UNC13B: variants seen among roughly 807,000 people sequenced by gnomAD.
UNC13B encodes the protein unc-13 homolog B.
A neutral mutation model predicts 211.0 loss-of-function variants in UNC13B; 144 were observed. The ratio of observed to expected loss-of-function variants is 0.68; its 90% CI spans 0.60 to 0.78. The LOEUF (loss-of-function observed/expected upper bound fraction) is 0.78. Among genes scored for constraint, UNC13B ranks in the 30% least tolerant of loss-of-function variants. The probability of loss-of-function intolerance (pLI) is 0.00; values close to 1 mark genes in which losing one functional copy is unlikely to be tolerated. For synonymous variants in UNC13B, 709 were observed against 725.8 expected (o/e 0.98, Z 0.37); for missense variants, 1,777 against 2,002.0 (o/e 0.89, Z 2.14).
chr9:35,230,049 G>A (rs111637861), intron 2 of UNC13B, among the ~76,000 whole-genome samples: 2,581 of 152,264 alleles, frequency 0.017, 58 homozygotes, highest in African/African-American at 0.059. Flanking sequence ...AGTGCCAAAT[G>A]TGCTGTAATA....
chr9:35,211,086 T>C (rs1009674762), intron 1 of UNC13B, among the ~76,000 whole-genome samples: 1 of 152,200 alleles, frequency 6.6e-6, no homozygotes, highest in African/African-American at 2.4e-5. Context: ...TAAAAGTCAT[T>C]TTAAGCTGAA....
At chr9:35,330,713 G>C (rs1434280002) in intron 11 of UNC13B, among the ~76,000 whole-genome samples, 1 of 152,186 alleles carries the variant, frequency 6.6e-6, no homozygotes, top group African/African-American at 2.4e-5. Flanking sequence ...TTATGGCCTG[G>C]ATCTGGATGT....
At position 35,381,648 on chromosome 9, in the gene UNC13B, T is replaced by C; in HGVS notation, c.10584T>C (p.Asp3528=). The part of the protein sequence containing the change: ...RGDDAWKVYF[D]ETAQEIVDEF... Reference sequence around the variant, plus strand: ...ACGATGCCTGGAAGGTGTACTTTGATGAGACAGCCCAAGAAATTGTGGATG... The same window carrying C: ...ACGATGCCTGGAAGGTGTACTTTGACGAGACAGCCCAAGAAATTGTGGATG... The change falls in exon 20 of 40, where the codon GAT becomes GAC. Residue 3528 remains aspartate (D), a synonymous_variant. Coordinates refer to ENST00000635942, the MANE Select transcript of UNC13B (RefSeq NM_001371189.2). 1 of 1,614,186 alleles carries C rather than the reference T, an allele frequency of 6.2e-7. No individual in the cohort carries two copies. The highest frequency in any genetic ancestry group is 8.5e-7 in the Non-Finnish European group (1 of 1,180,006).
At chr9:35,314,037 T>C (rs1366061394) in intron 11 of UNC13B, 48 bp downstream of exon 11, 5 of 1,450,370 alleles carry the variant, frequency 3.4e-6, no homozygotes, top group Non-Finnish European at 4.8e-6. Flanking sequence ...TCCTTTGAAA[T>C]TGGGAGACAT....
At position 35,226,556 on chromosome 9, in the gene UNC13B, A is replaced by T. The variant is rs915708002; in HGVS notation, c.23-1459A>T. ...TCAGAAGTAGGGAAGCCGACAGTGC[A>T]GCCTTCAGTCTGTGGTCAAAGGCCC... On this transcript the variant is annotated intron_variant, in intron 1 of 39. Coordinates refer to ENST00000635942, the MANE Select transcript of UNC13B (RefSeq NM_001371189.2). Among the ~76,000 whole-genome samples, 7 of 152,336 alleles carry T rather than the reference A, an allele frequency of 4.6e-5. No homozygotes were observed. The South Asian group carries it at 1.2e-3, about 27-fold the overall frequency.
chr9:35,236,643 T>C, intron 4 of UNC13B, 57 bp downstream of exon 4: 1 of 1,452,550 alleles, frequency 6.9e-7, no homozygotes, highest in Admixed American at 1.7e-5. Context: ...CTTCTCCCCA[T>C]GCTAGCTCCA....
intron 1 of UNC13B, among the ~76,000 whole-genome samples, chr9:35,166,945 G>T (rs555652443): frequency 9.8e-4 from 150 of 152,312 alleles, no homozygotes; most frequent in Non-Finnish European, 1.5e-3. Flanking sequence ...TCTAAACCAA[G>T]CTTGTCCAGC....
At chr9:35,203,487 C>T (rs904385002) in intron 1 of UNC13B, among the ~76,000 whole-genome samples, 12 of 152,176 alleles carry the variant, frequency 7.9e-5, no homozygotes, top group African/African-American at 2.9e-4. Flanking sequence ...TATTGGCCCC[C>T]CACTCTCTTC....
At chr9:35,262,862 G>A (rs998835106) in intron 7 of UNC13B, among the ~76,000 whole-genome samples, 17 of 152,030 alleles carry the variant, frequency 1.1e-4, no homozygotes, top group African/African-American at 2.4e-5. Flanking sequence ...AGCCTGGGGA[G>A]ATTGAGGCTG....
rs79672709 is a variant in UNC13B at position 35,233,943 on chromosome 9, A to G, written c.153-2526A>G. 3.3e-3 allele frequency among the ~76,000 whole-genome samples: 499 copies of G among 152,260 alleles called. 1 individual carries two copies. The highest frequency in any genetic ancestry group is 5.9e-3 in the Non-Finnish European group (398 of 68,004). On this transcript the variant is annotated intron_variant, in intron 3 of 39. Transcript: ENST00000635942. ...AGATGAGAAGCTTCTTATAGAATAT[A>G]TACTCATTGTTTGGGCCTTCTCCCT...
At chr9:35,202,651 G>A (rs4490932) in intron 1 of UNC13B, among the ~76,000 whole-genome samples, 149,299 of 152,158 alleles carry the variant, frequency 0.98, 73,304 homozygotes, top group East Asian at 1. Context: ...AGTCTGTTTT[G>A]TCAGAGACTA....
In UNC13B at chr9:35,380,501, G is replaced by T; in HGVS notation, c.10237G>T (p.Val3413Leu). 6.2e-7 allele frequency: 1 copy of T among 1,614,190 alleles called. No individual in the cohort carries two copies. Among genetic ancestry groups the T allele is most frequent in the Non-Finnish European group, 8.5e-7 (1 of 1,180,030 alleles). ...ECHNSSDRIK[V>L]RVWDEDDDIK... ...CCACAACTCCTCTGACCGCATTAAG[G>T]TGCGTGTATGGGATGAGGATGATGA... is the stretch of plus-strand genomic sequence containing the variant. The change falls in exon 18 of 40, where the codon GTG becomes TTG. Residue 3413 changes from valine to leucine, a missense_variant. Val to Leu is a conservative substitution (Grantham distance 32). Coordinates refer to ENST00000635942, the MANE Select transcript of UNC13B (RefSeq NM_001371189.2).
intron 26 of UNC13B, among the ~76,000 whole-genome samples, chr9:35,391,993 A>C (rs1378933382): frequency 6.6e-6 from 1 of 152,218 alleles, no homozygotes; most frequent in Non-Finnish European, 1.5e-5. Context: ...GAAAACTTCT[A>C]CTTTAAGAGA....
chr9:35,191,488 G>T (rs2131342368), intron 1 of UNC13B, among the ~76,000 whole-genome samples: 1 of 152,240 alleles, frequency 6.6e-6, no homozygotes, highest in South Asian at 2.1e-4. Context: ...CTTCCCTCTT[G>T]CCTGGGGACC....
At chr9:35,390,459 A>ACTGGCCC (rs1235270601) in intron 25 of UNC13B, among the ~76,000 whole-genome samples, 170 bp from the exon 26 acceptor site, 1 of 152,210 alleles carries the variant, frequency 6.6e-6, no homozygotes, top group Non-Finnish European at 1.5e-5. Flanking sequence ...TTGTCCTGCC[A>ACTGGCCC]CTGGCCCCTG....
intron 7 of UNC13B, among the ~76,000 whole-genome samples, chr9:35,266,808 C>G (rs1342938450): frequency 6.6e-6 from 1 of 152,088 alleles, no homozygotes; most frequent in East Asian, 1.9e-4. Context: ...TTATTATGTC[C>G]ATCTGTTTTT....
rs1405434114 is a variant in UNC13B at position 35,259,127 on chromosome 9, C to G, written c.526+77C>G. ...TTCTCTGAACATGGGTTATTCTGAG[C>G]TGGGGAGGGTGGAGATGTCATGTGT... On this transcript the variant is annotated intron_variant, in intron 7 of 39. Transcript: ENST00000635942. 3 of 1,473,114 alleles carry G rather than the reference C, an allele frequency of 2.0e-6. No homozygotes were observed. In the African/African-American group the frequency reaches 4.2e-5, roughly 20 times the overall value. 91.3% of individuals were successfully genotyped at this position (1,473,114 alleles called of 1,614,324 possible).
rs139674747 is a variant in UNC13B, at chr9:35,377,734, G to A, written c.10063+39G>A. 84 of 1,593,132 alleles carry A rather than the reference G, an allele frequency of 5.3e-5. 1 individual carries two copies. The East Asian group carries it at 1.8e-3, about 35-fold the overall frequency. On this transcript the variant is annotated intron_variant, in intron 16 of 39. Transcript: ENST00000635942. Reference sequence around the variant, plus strand: ...AGTTTGAGGGGACAGGAAGGCCTGGGCTATGGGGAGGAGACTGGGGAAGAA... The same window carrying A: ...AGTTTGAGGGGACAGGAAGGCCTGGACTATGGGGAGGAGACTGGGGAAGAA...
chr9:35,202,336 T>C (rs1392166444), intron 1 of UNC13B, among the ~76,000 whole-genome samples: 1 of 152,246 alleles, frequency 6.6e-6, no homozygotes, highest in Non-Finnish European at 1.5e-5. Context: ...TGGAGAATTC[T>C]GTAGACGTCT....
Sources: gnomAD v4.1 joint callset for allele counts (sites outside exome capture counted in the v4.1 genomes callset) on GRCh38, gnomAD v4.1.1 for gene constraint, MANE v1.5 for transcripts, NCBI Gene and HGNC (gene_info 2026-07-23, HGNC 2026-07-21) for gene names.